The following PLEKHG7 variants were observed in gnomAD, a reference collection of about 807,000 sequenced individuals.
PLEKHG7 encodes the protein pleckstrin homology and RhoGEF domain containing G7.
Under a neutral mutation model 85.2 loss-of-function variants are expected in PLEKHG7, and 77 were observed. The observed-to-expected ratio is 0.90, with a 90% CI of 0.75 to 1.09. The LOEUF (loss-of-function observed/expected upper bound fraction) is 1.09. PLEKHG7 is among the 50% of genes least tolerant of loss of function. The pLI is 0.00. For synonymous variants in PLEKHG7, 301 were observed against 302.4 expected, an observed-to-expected ratio of 1.00 and a Z score of 0.05; for missense variants, 777 against 804.3, an observed-to-expected ratio of 0.97 and a Z score of 0.41.
rs1872500696 is a variant in PLEKHG7, at chr12:92,745,334, C to CT, written c.1138-144_1138-143insT. The CT allele has an allele frequency of 3.6e-3, 2,121 of 583,634 alleles. 81 individuals are homozygous for CT. The African/African-American group carries it at 0.038, about 10-fold the overall frequency. The allele number at this position is 583,634 out of a possible 1,614,324, so 36.2% of individuals were successfully genotyped here. On this transcript the variant is annotated intron_variant, in intron 9 of 16. Coordinates refer to ENST00000344636, the MANE Select transcript of PLEKHG7 (RefSeq NM_001377329.1). Reference sequence around the variant, plus strand: ...TGGAGATTACCTTTGTATTTCCATGCAGTTGTGGCGCCTGCTTGATCATGG... The same window carrying CT: ...TGGAGATTACCTTTGTATTTCCATGCTAGTTGTGGCGCCTGCTTGATCATGG...
chr12:92,715,412 A>G (rs772142380), intron 3 of PLEKHG7, among the ~76,000 whole-genome samples: 3 of 152,126 alleles, frequency 2.0e-5, no homozygotes, highest in Non-Finnish European at 4.4e-5. Context: ...GCATCCTTCA[A>G]TCCAATCAAG....
chr12:92,745,679 G>A (rs917164574), intron 10 of PLEKHG7, 88 bp downstream of exon 10: 7 of 864,786 alleles, frequency 8.1e-6, no homozygotes, highest in East Asian at 2.5e-5. Context: ...TAAATTAAAT[G>A]GGAAAGAAGA....
At chr12:92,716,163 C>T (rs1246513429) in intron 3 of PLEKHG7, among the ~76,000 whole-genome samples, 1 of 152,082 alleles carries the variant, frequency 6.6e-6, no homozygotes, top group Non-Finnish European at 1.5e-5. Context: ...TTGGTACAAT[C>T]TCAGCTCACT....
chr12:92,754,376 C>T, intron 11 of PLEKHG7, 112 bp downstream of exon 11: 1 of 1,046,230 alleles, frequency 9.6e-7, no homozygotes, highest in Middle Eastern at 2.1e-4. Flanking sequence ...GGTCATGGCT[C>T]TTGGAAATGT....
At chr12:92,721,004 G>C (rs868016815) in intron 3 of PLEKHG7, among the ~76,000 whole-genome samples, 45 of 152,230 alleles carry the variant, frequency 3.0e-4, no homozygotes, top group Middle Eastern at 6.8e-3. Context: ...GCGACCTTAG[G>C]TAAGTTCCTT....
intron 3 of PLEKHG7, among the ~76,000 whole-genome samples, chr12:92,713,258 C>T (rs746914093): frequency 6.6e-6 from 1 of 152,148 alleles, no homozygotes; most frequent in Admixed American, 6.5e-5. Flanking sequence ...ATTGAGGGGC[C>T]GTGATTCTGT....
At chr12:92,727,657 T>C (rs1751557073) in intron 3 of PLEKHG7, among the ~76,000 whole-genome samples, 1 of 152,082 alleles carries the variant, frequency 6.6e-6, no homozygotes, top group Non-Finnish European at 1.5e-5. Context: ...TGGCGTGATC[T>C]TGGCTCACTG....
intron 12 of PLEKHG7, among the ~76,000 whole-genome samples, 155 bp downstream of exon 12, chr12:92,756,095 A>G (rs1340284316): frequency 6.6e-6 from 1 of 152,234 alleles, no homozygotes; most frequent in Non-Finnish European, 1.5e-5. Context: ...AGGGCATTGT[A>G]TGCGGGGAGG....
chr12:92,764,266 G>A, intron 15 of PLEKHG7, 72 bp downstream of exon 15: 1 of 1,417,980 alleles, frequency 7.1e-7, no homozygotes, highest in Non-Finnish European at 9.6e-7. Flanking sequence ...TTTCTTGGTA[G>A]CAGGTCATAA....
intron 3 of PLEKHG7, among the ~76,000 whole-genome samples, chr12:92,720,796 G>T (rs1445875378): frequency 1.3e-5 from 2 of 152,020 alleles, no homozygotes; most frequent in Non-Finnish European, 2.9e-5. Context: ...TATCACTTTT[G>T]GGGGGGCCAC....
intron 5 of PLEKHG7, among the ~76,000 whole-genome samples, chr12:92,733,317 C>T (rs1441183202): frequency 1.3e-5 from 2 of 152,154 alleles, no homozygotes; most frequent in African/African-American, 2.4e-5. Context: ...CACACACAGA[C>T]GCTCAGTCAA....
At chr12:92,755,703 T>A (rs2136622803) in intron 11 of PLEKHG7, 122 bp from the exon 12 acceptor site, 1 of 721,420 alleles carries the variant, frequency 1.4e-6, no homozygotes, top group Non-Finnish European at 2.5e-6. Flanking sequence ...AAATGAACTT[T>A]ATATATTGTC....
chr12:92,736,317 T>C (rs949786816), intron 5 of PLEKHG7, among the ~76,000 whole-genome samples, 165 bp from the exon 6 acceptor site: 40 of 152,114 alleles, frequency 2.6e-4, no homozygotes, highest in Non-Finnish European at 1.5e-5. Flanking sequence ...CTGCAGCTCC[T>C]ACTAGAGCTC....
Position 92,754,003 on chromosome 12 carries a change from A to G in PLEKHG7, c.1252-87A>G, listed in dbSNP as rs1333158925. ...GTAGGTCCTGCAGTTACTGAGTAAA[A>G]TCTCCAAGAACCTCTCATATCCAGG... On this transcript the variant is annotated intron_variant, in intron 10 of 16. Coordinates refer to ENST00000344636, the MANE Select transcript of PLEKHG7 (RefSeq NM_001377329.1). 1.6e-5 allele frequency: 22 copies of G among 1,382,578 alleles called. No homozygotes were observed. In the East Asian group the frequency reaches 5.1e-4, roughly 32 times the overall value. 85.6% of individuals were successfully genotyped at this position (1,382,578 alleles called of 1,614,324 possible). A position where few individuals can be genotyped will look rare whatever the true frequency, so the allele number is the denominator to read the frequency against.
chr12:92,755,368 A>G lies in PLEKHG7; in HGVS notation c.1427-457A>G, dbSNP rs544367060. On this transcript the variant is annotated intron_variant, in intron 11 of 16. Coordinates refer to ENST00000344636, the MANE Select transcript of PLEKHG7 (RefSeq NM_001377329.1). ...TATTAGAAAACATTGGAAAATGAAT[A>G]TAAACCTTCCAAAGAGAAATTGAGT... 2.6e-4 allele frequency among the ~76,000 whole-genome samples: 40 copies of G among 152,366 alleles called. No homozygotes were observed. In the South Asian group the frequency reaches 6.6e-3, roughly 25 times the overall value.
Position 92,737,387 on chromosome 12 carries a change from T to C in PLEKHG7, c.805T>C (p.Trp269Arg). The C allele has an allele frequency of 6.6e-7, 1 of 1,522,396 alleles. No homozygotes were observed. Among genetic ancestry groups the C allele is most frequent in the South Asian group, 1.4e-5 (1 of 72,460 alleles). 94.3% of individuals were successfully genotyped at this position (1,522,396 alleles called of 1,614,324 possible). ...TTTCCCTCATGTACAGGATAAGACC[T>C]GGGATGAAGTCTTGGAAACACATCA... is the stretch of plus-strand genomic sequence containing the variant. ...YDFYGLKDKTWDEVLETHHKL... is the reference protein window; with the variant it reads ...YDFYGLKDKTRDEVLETHHKL... The change falls in exon 7 of 17, where the codon TGG becomes CGG. Residue 269 changes from tryptophan to arginine, a missense_variant. Physicochemically the swap from Trp to Arg is moderately radical, Grantham distance 101 (BLOSUM62 -3). Transcript: ENST00000344636.
intron 3 of PLEKHG7, among the ~76,000 whole-genome samples, chr12:92,725,413 G>A (rs560946991): frequency 1.3e-5 from 2 of 152,228 alleles, no homozygotes; most frequent in Admixed American, 1.3e-4. Flanking sequence ...TTAAATTTTA[G>A]ATAACTCACC....
chr12:92,753,726 C>A (rs1872751372), intron 10 of PLEKHG7, among the ~76,000 whole-genome samples: 1 of 152,206 alleles, frequency 6.6e-6, no homozygotes, highest in Admixed American at 6.5e-5. Context: ...TCCCTTCTGC[C>A]TCTCCAGTCT....
chr12:92,756,697 A>G (rs1369126441), intron 13 of PLEKHG7, among the ~76,000 whole-genome samples: 1 of 152,228 alleles, frequency 6.6e-6, no homozygotes, highest in Non-Finnish European at 1.5e-5. Context: ...AGTCAATGGC[A>G]GCTGTTATCA....
Sources: gnomAD v4.1 joint callset for allele counts (sites outside exome capture counted in the v4.1 genomes callset) on GRCh38, gnomAD v4.1.1 for gene constraint, MANE v1.5 for transcripts, NCBI Gene and HGNC (gene_info 2026-07-23, HGNC 2026-07-21) for gene names.